The following ADAMTS6 variants were observed in gnomAD, a reference collection of about 807,000 sequenced individuals.
ADAMTS6 encodes the protein ADAM metallopeptidase with thrombospondin type 1 motif 6, also known as A disintegrin and metalloproteinase with thrombospondin motifs 6.
A neutral mutation model predicts 144.3 loss-of-function variants in ADAMTS6; 23 were observed. The observed-to-expected ratio is 0.16, with a 90% CI of 0.11 to 0.23. The LOEUF (loss-of-function observed/expected upper bound fraction) is 0.23. Among genes scored for constraint, ADAMTS6 ranks in the 10% least tolerant of loss-of-function variants. The pLI is 1.00. For missense variants in ADAMTS6, 999 were observed against 1,379.6 expected (o/e 0.72, Z 4.37); for synonymous variants, 444 against 457.5 (o/e 0.97, Z 0.38).
At chr5:65,226,565 T>G (rs2112404672) in intron 15 of ADAMTS6, among the ~76,000 whole-genome samples, 1 of 152,162 alleles carries the variant, frequency 6.6e-6, no homozygotes, top group Admixed American at 6.5e-5. Flanking sequence ...ATTGAATGTT[T>G]TTTAAAAAAA....
chr5:65,362,285 A>G (rs2150106577), intron 7 of ADAMTS6, among the ~76,000 whole-genome samples: 1 of 152,290 alleles, frequency 6.6e-6, no homozygotes, highest in South Asian at 2.1e-4. Flanking sequence ...AGCTATATAT[A>G]CCATTTGGCA....
At chr5:65,273,604 G>C (rs1388124391) in intron 11 of ADAMTS6, among the ~76,000 whole-genome samples, 157 bp from the exon 12 acceptor site, 2 of 152,122 alleles carry the variant, frequency 1.3e-5, no homozygotes, top group Admixed American at 6.6e-5. Context: ...AGGTTTTTAT[G>C]AAACATCTTG....
chr5:65,256,931 CT>C (rs1409001169), intron 14 of ADAMTS6, among the ~76,000 whole-genome samples: 3 of 150,602 alleles, frequency 2.0e-5, no homozygotes, highest in African/African-American at 4.9e-5. Context: ...GGCTTCACCC[CT>C]ATCTGGTTTA....
chr5:65,244,577 C>A (rs371199094), intron 14 of ADAMTS6, among the ~76,000 whole-genome samples: 1 of 152,040 alleles, frequency 6.6e-6, no homozygotes, highest in Non-Finnish European at 1.5e-5. Flanking sequence ...ATAACAATAG[C>A]GAGCTAGTAT....
At chr5:65,463,243 G>A (rs960912809) in intron 3 of ADAMTS6, among the ~76,000 whole-genome samples, 3 of 152,074 alleles carry the variant, frequency 2.0e-5, no homozygotes, top group Non-Finnish European at 1.5e-5. Flanking sequence ...TAATAAGGTG[G>A]TATTTGAGCA....
intron 15 of ADAMTS6, among the ~76,000 whole-genome samples, chr5:65,238,816 T>C (rs992627648): frequency 2.6e-5 from 4 of 152,124 alleles, no homozygotes; most frequent in African/African-American, 9.7e-5. Flanking sequence ...GGATATACCA[T>C]GTTCAAAAAT....
At position 65,323,928 on chromosome 5, in the gene ADAMTS6, G is replaced by A. The variant is rs1046885869; in HGVS notation, c.1223+5450C>T. ...GCGTAAATGTCTTCTTTTGAGAAGC[G>A]TCTGTTCATATCCTTTGCCCACTTT... is the stretch of plus-strand genomic sequence containing the variant. On this transcript the variant is annotated intron_variant, in intron 9 of 24. Coordinates refer to ENST00000381055, the MANE Select transcript of ADAMTS6 (RefSeq NM_197941.4). Among the ~76,000 whole-genome samples the A allele has an allele frequency of 8.5e-5, 13 of 152,250 alleles. 1 individual carries two copies. Among genetic ancestry groups the A allele is most frequent in the African/African-American group, 2.2e-4 (9 of 41,544 alleles).
intron 10 of ADAMTS6, chr5:65,297,193 C>T (rs1484592014): frequency 2.2e-6 from 1 of 455,880 alleles, no homozygotes; most frequent in Non-Finnish European, 4.4e-6. Context: ...TTAATCAGGA[C>T]GGCTTCTGGG....
chr5:65,386,083 T>C (rs1752453843), intron 7 of ADAMTS6, among the ~76,000 whole-genome samples: 1 of 152,354 alleles, frequency 6.6e-6, no homozygotes, highest in Non-Finnish European at 1.5e-5. Context: ...AAATAAGCTA[T>C]AATTCTACCA....
At chr5:65,428,492 A>G (rs1756741497) in intron 7 of ADAMTS6, among the ~76,000 whole-genome samples, 1 of 152,210 alleles carries the variant, frequency 6.6e-6, no homozygotes, top group Non-Finnish European at 1.5e-5. Context: ...ATTGAAAAGT[A>G]AAAGTACTTA....
intron 7 of ADAMTS6, among the ~76,000 whole-genome samples, chr5:65,429,899 T>A (rs1756858975): frequency 6.6e-6 from 1 of 152,130 alleles, no homozygotes; most frequent in South Asian, 2.1e-4. Flanking sequence ...ATAGGTAGTA[T>A]TTTAAGAAAG....
chr5:65,421,235 T>C (rs191946179), intron 7 of ADAMTS6, among the ~76,000 whole-genome samples: 11 of 152,360 alleles, frequency 7.2e-5, no homozygotes, highest in Admixed American at 7.2e-4. Context: ...AGAACTCCTT[T>C]TAGTATTTCT....
chr5:65,222,913 A>T (rs1757432093), intron 18 of ADAMTS6, among the ~76,000 whole-genome samples: 1 of 151,984 alleles, frequency 6.6e-6, no homozygotes. Flanking sequence ...ACGCAAGCAG[A>T]AACTAGGAGA....
chr5:65,155,406 T>G (rs1752352615), intron 24 of ADAMTS6, among the ~76,000 whole-genome samples: 1 of 152,210 alleles, frequency 6.6e-6, no homozygotes. Context: ...TGGTATAGCC[T>G]ATTGCTCCTG....
intron 7 of ADAMTS6, among the ~76,000 whole-genome samples, chr5:65,347,157 A>T (rs1235634512): frequency 6.6e-6 from 1 of 151,970 alleles, no homozygotes; most frequent in Non-Finnish European, 1.5e-5. Context: ...ATCCCTATCA[A>T]ATTTCCAACG....
intron 24 of ADAMTS6, among the ~76,000 whole-genome samples, chr5:65,156,099 T>C (rs1258637576): frequency 6.6e-6 from 1 of 152,182 alleles, no homozygotes; most frequent in Non-Finnish European, 1.5e-5. Context: ...TTTTAAATTA[T>C]ATTGGGGCAT....
chr5:65,275,391 G>T (rs1167996891), intron 11 of ADAMTS6, among the ~76,000 whole-genome samples: 7 of 133,100 alleles, frequency 5.3e-5, no homozygotes, highest in African/African-American at 1.7e-4. Flanking sequence ...AAGAAAGAAA[G>T]AAAGAAAGAA....
At chr5:65,466,921 A>C (rs1760061022) in intron 3 of ADAMTS6, among the ~76,000 whole-genome samples, 2 of 152,022 alleles carry the variant, frequency 1.3e-5, no homozygotes, top group South Asian at 4.2e-4. Context: ...GGGAGCCTGT[A>C]GTCCCAGCTA....
Position 65,324,166 on chromosome 5 carries a change from T to A in ADAMTS6, c.1223+5212A>T, listed in dbSNP as rs578088968. Among the ~76,000 whole-genome samples, 15 of 152,356 alleles carry A rather than the reference T, an allele frequency of 9.8e-5. 1 individual carries two copies. Among genetic ancestry groups the A allele is most frequent in the African/African-American group, 3.4e-4 (14 of 41,590 alleles). On this transcript the variant is annotated intron_variant, in intron 9 of 24. Coordinates refer to ENST00000381055, the MANE Select transcript of ADAMTS6 (RefSeq NM_197941.4). ...TTTTGGCTTTTGTTGCCATTGCTTT[T>A]GGTGTTTTAGACATGAAGTCCTTGC...
Sources: allele counts gnomAD v4.1 joint callset (sites outside exome capture counted in the v4.1 genomes callset), GRCh38; gene constraint gnomAD v4.1.1; transcripts MANE v1.5; gene names NCBI Gene and HGNC (gene_info 2026-07-23, HGNC 2026-07-21).